SCAPER: variants seen among roughly 807,000 people sequenced by gnomAD.
SCAPER encodes the protein S phase cyclin A-associated protein in the endoplasmic reticulum.
A neutral mutation model predicts 182.2 loss-of-function variants in SCAPER; 98 were observed. The observed-to-expected ratio is 0.54, with a 90% CI of 0.46 to 0.64. SCAPER has a LOEUF of 0.64. Among genes scored for constraint, SCAPER ranks in the 30% least tolerant of loss-of-function variants. The pLI is 0.00. For missense variants in SCAPER, 1,432 were observed against 1,690.0 expected (o/e 0.85, Z 2.68); for synonymous variants, 605 against 564.6 (o/e 1.07, Z -1.01).
intron 20 of SCAPER, among the ~76,000 whole-genome samples, chr15:76,700,431 G>C (rs279992): frequency 0.044 from 6,743 of 152,322 alleles, 327 homozygotes; most frequent in African/African-American, 0.12. Flanking sequence ...TCCGTGGTGA[G>C]AGTGGACCAC....
intron 26 of SCAPER, among the ~76,000 whole-genome samples, chr15:76,429,606 A>C (rs2046718940): frequency 6.6e-6 from 1 of 152,154 alleles, no homozygotes; most frequent in Non-Finnish European, 1.5e-5. Context: ...AGATTTGTGG[A>C]AATTTCAGCT....
chr15:76,451,033 C>T (rs769106128), intron 25 of SCAPER, among the ~76,000 whole-genome samples: 2 of 152,164 alleles, frequency 1.3e-5, no homozygotes, highest in Non-Finnish European at 2.9e-5. Flanking sequence ...CCCTTTTGCC[C>T]CTGTGGGCAT....
intron 29 of SCAPER, among the ~76,000 whole-genome samples, chr15:76,369,881 C>T: frequency 6.6e-6 from 1 of 152,200 alleles, no homozygotes; most frequent in Non-Finnish European, 1.5e-5. Flanking sequence ...GGGAGCACAG[C>T]CTTTAGTGCA....
chr15:76,733,585 C>A (rs1394143208), intron 15 of SCAPER, among the ~76,000 whole-genome samples: 1 of 148,204 alleles, frequency 6.7e-6, no homozygotes, highest in Non-Finnish European at 1.5e-5. Flanking sequence ...CCCATCTCTA[C>A]TAAAAAAAAA....
intron 15 of SCAPER, 56 bp from the exon 16 acceptor site, chr15:76,733,440 C>A (rs916759378): frequency 6.4e-7 from 1 of 1,568,120 alleles, no homozygotes; most frequent in Non-Finnish European, 8.6e-7. Context: ...GGGCACATTA[C>A]AAAAATAAGA....
At chr15:76,501,645 A>G (rs935768256) in intron 24 of SCAPER, among the ~76,000 whole-genome samples, 1 of 152,208 alleles carries the variant, frequency 6.6e-6, no homozygotes, top group Non-Finnish European at 1.5e-5. Flanking sequence ...AAAATTAAAC[A>G]GGATATTCTA....
chr15:76,365,322 A>T (rs2041735310), intron 29 of SCAPER, among the ~76,000 whole-genome samples: 2 of 152,204 alleles, frequency 1.3e-5, no homozygotes, highest in Non-Finnish European at 1.5e-5. Flanking sequence ...AGCTAACAAT[A>T]CTGGCATTTC....
chr15:76,479,221 C>T (rs1440353549), intron 24 of SCAPER, among the ~76,000 whole-genome samples: 2 of 152,136 alleles, frequency 1.3e-5, no homozygotes, highest in African/African-American at 4.8e-5. Flanking sequence ...CTTGTCCTTT[C>T]AGTAAAACTT....
chr15:76,802,031 C>T (rs983835115), intron 6 of SCAPER, among the ~76,000 whole-genome samples: 1 of 151,456 alleles, frequency 6.6e-6, no homozygotes, highest in Non-Finnish European at 1.5e-5. Flanking sequence ...CAATCCTCAA[C>T]ACAGCCACCA....
chr15:76,725,538 A>G (rs569499821), intron 17 of SCAPER, among the ~76,000 whole-genome samples: 1 of 152,260 alleles, frequency 6.6e-6, no homozygotes, highest in East Asian at 1.9e-4. Flanking sequence ...AGGATCCTCA[A>G]GCCAAAACAA....
intron 8 of SCAPER, among the ~76,000 whole-genome samples, chr15:76,791,583 G>A (rs1355648112): frequency 6.6e-6 from 1 of 151,886 alleles, no homozygotes; most frequent in Non-Finnish European, 1.5e-5. Flanking sequence ...AGAGGGGGTG[G>A]GAAAGTACTG....
chr15:76,602,434 G>C lies in SCAPER; in HGVS notation c.2711+19330C>G, dbSNP rs540951021. On this transcript the variant is annotated intron_variant, in intron 22 of 31. Coordinates refer to ENST00000563290, the MANE Select transcript of SCAPER (RefSeq NM_020843.4). The stretch of plus-strand genomic sequence containing the variant: ...TTTTCTAATCTTTGCTCCCATATAG[G>C]TAAGGTGTTTCTTTCCCCTTTGGTC... 6.3e-4 allele frequency among the ~76,000 whole-genome samples: 76 copies of C among 121,288 alleles called. 17 individuals are homozygous for C. In the South Asian group the frequency reaches 0.013, roughly 20 times the overall value. 79.6% of individuals were successfully genotyped at this position (121,288 alleles called of 152,430 possible).
intron 25 of SCAPER, among the ~76,000 whole-genome samples, chr15:76,468,695 G>T (rs1051877481): frequency 3.3e-5 from 5 of 152,092 alleles, no homozygotes; most frequent in African/African-American, 4.8e-5. Context: ...ACTCTATACA[G>T]GCTGCTATCA....
rs1018048000 is a variant in SCAPER at position 76,569,688 on chromosome 15, T to A, written c.2838+4470A>T. 2.6e-5 allele frequency among the ~76,000 whole-genome samples: 4 copies of A among 152,092 alleles called. 1 individual carries two copies. The highest frequency in any genetic ancestry group is 2.6e-4 in the Admixed American group (4 of 15,268). Reference sequence around the variant, plus strand: ...ATACATAAATTAGACATTTTCATCATATATTATATCCTTTTTATACTCTTC... The same window carrying A: ...ATACATAAATTAGACATTTTCATCAAATATTATATCCTTTTTATACTCTTC... On this transcript the variant is annotated intron_variant, in intron 23 of 31. Transcript: ENST00000563290.
intron 8 of SCAPER, among the ~76,000 whole-genome samples, chr15:76,791,458 G>A (rs558104227): frequency 2.0e-5 from 3 of 152,238 alleles, no homozygotes; most frequent in South Asian, 4.1e-4. Context: ...AAAACACCTG[G>A]AATTTAGGGT....
intron 26 of SCAPER, among the ~76,000 whole-genome samples, 193 bp downstream of exon 26, chr15:76,433,885 A>G (rs1005241421): frequency 6.6e-6 from 1 of 152,220 alleles, no homozygotes; most frequent in Non-Finnish European, 1.5e-5. Flanking sequence ...ATCTGAAGTA[A>G]AGTATTAATA....
intron 1 of SCAPER, among the ~76,000 whole-genome samples, chr15:76,902,545 G>T (rs1168441976): frequency 1.3e-5 from 2 of 152,122 alleles, no homozygotes; most frequent in Non-Finnish European, 2.9e-5. Context: ...TTTTATTAAT[G>T]ATTTAATTTT....
At position 76,774,997 on chromosome 15, in the gene SCAPER, C is replaced by T. The variant is rs1192299814; in HGVS notation, c.893G>A (p.Ser298Asn). The change falls in exon 9 of 32, where the codon AGT becomes AAT. Residue 298 changes from serine to asparagine, a missense_variant. Ser to Asn is a conservative substitution (Grantham distance 46). This residue lies in a region of SCAPER where 480 missense variants were observed against 510.2 expected (regional missense o/e 0.94). Transcript: ENST00000563290. ...ATEATRSKDD[S>N]DKENVCLLPD... Reference sequence around the variant, plus strand: ...TAAAAGACATACATTTTCTTTATCACTGTCATCCTTTGATCTTGTGGCTTC... The same window carrying T: ...TAAAAGACATACATTTTCTTTATCATTGTCATCCTTTGATCTTGTGGCTTC... 6.2e-7 allele frequency: 1 copy of T among 1,613,838 alleles called. No individual in the cohort carries two copies. The highest frequency in any genetic ancestry group is 2.2e-5 in the East Asian group (1 of 44,872).
intron 22 of SCAPER, among the ~76,000 whole-genome samples, chr15:76,577,317 C>T (rs985192343): frequency 2.6e-5 from 4 of 152,084 alleles, no homozygotes; most frequent in Non-Finnish European, 5.9e-5. Context: ...TGTGGTGGCA[C>T]ACACTTGTAG....
Sources: allele counts gnomAD v4.1 joint callset (sites outside exome capture counted in the v4.1 genomes callset), GRCh38; gene constraint gnomAD v4.1.1; regional missense constraint gnomAD v4.1.1; transcripts MANE v1.5; gene names NCBI Gene and HGNC (gene_info 2026-07-23, HGNC 2026-07-21).